ZNF100: variants seen among roughly 807,000 people sequenced by gnomAD.
ZNF100 encodes the protein zinc finger protein 100 (Y1).
ZNF100 carries 12 observed loss-of-function variants against 15.8 expected under a neutral mutation model. The observed-to-expected ratio is 0.76, with a 90% CI of 0.49 to 1.23. ZNF100 has a LOEUF of 1.23. Ranked by LOEUF, ZNF100 falls within the 50% of genes most tolerant of loss-of-function variation. The pLI, the probability that ZNF100 is intolerant of heterozygous loss-of-function variation, is 0.00. For missense variants in ZNF100, 670 were observed against 635.6 expected (o/e 1.05, Z -0.58); for synonymous variants, 226 against 214.8 (o/e 1.05, Z -0.45).
intron 2 of ZNF100, chr19:21,751,798 G>T (rs2036311160): frequency 1.7e-6 from 2 of 1,175,342 alleles, no homozygotes; most frequent in African/African-American, 3.1e-5. Flanking sequence ...AAAGAGCACA[G>T]AACCTAGAGG....
chr19:21,727,320 T>C lies in ZNF100; in HGVS notation c.992A>G (p.His331Arg), dbSNP rs771873478. ...ECGKAFNRSS[H>R]LTTHRIIHTG... ...ATGAATTATCCTGTGTGTAGTAAGG[T>C]GTGAGGACCGGTTAAAAGCTTTGCC... The change falls in exon 5 of 5, where the codon CAC becomes CGC. Residue 331 changes from histidine to arginine, a missense_variant. Transcript: ENST00000358296. 1.2e-6 allele frequency: 2 copies of C among 1,611,170 alleles called. No homozygotes were observed. The highest frequency in any genetic ancestry group is 2.7e-5 in the African/African-American group (2 of 74,492).
At position 21,726,975 on chromosome 19, in the gene ZNF100, G is replaced by A. The variant is rs756161010; in HGVS notation, c.1337C>T (p.Thr446Ile). 6.2e-6 allele frequency: 10 copies of A among 1,608,950 alleles called. No homozygotes were observed. The South Asian group carries it at 7.7e-5, about 12-fold the overall frequency. ...KAFNESSNLTTHKMIHTGEKP... is the reference protein window; with the variant it reads ...KAFNESSNLTIHKMIHTGEKP... ...CTCTCCAGTATGAATCATCTTATGGGTAGTAAGGTTTGAGGACTCATTAAA... is the reference window on the plus strand; with the variant it reads ...CTCTCCAGTATGAATCATCTTATGGATAGTAAGGTTTGAGGACTCATTAAA... Residue 446 changes from threonine (T) to isoleucine (I), a missense_variant, in exon 5 of 5, where the codon ACC becomes ATC. By Grantham distance (89) the Thr-to-Ile change is moderately conservative (BLOSUM62 -1). Transcript: ENST00000358296.
rs770566763 is a variant in ZNF100 at position 21,727,380 on chromosome 19, T to G, written c.932A>C (p.His311Pro). 1.2e-5 allele frequency: 19 copies of G among 1,612,972 alleles called. No individual in the cohort carries two copies. Among genetic ancestry groups the G allele is most frequent in the African/African-American group, 2.7e-5 (2 of 74,906 alleles). The change falls in exon 5 of 5, where the codon CAT (histidine) becomes CCT (proline). Residue 311 changes from histidine to proline, a missense_variant. Physicochemically the swap from His to Pro is moderately conservative, Grantham distance 77. Transcript: ENST00000358296. ...SSHLTTHKRI[H>P]TGVKPYKCTE... ...ACATTTGTAGGGTTTCACTCCAGTA[T>G]GAATTCTTTTATGTGTAGTAAGGTG...
chr19:21,746,344 T>C (rs1350066213), intron 2 of ZNF100, among the ~76,000 whole-genome samples: 1 of 152,212 alleles, frequency 6.6e-6, no homozygotes, highest in Non-Finnish European at 1.5e-5. Flanking sequence ...CAGCACCCTA[T>C]ATAGCAGGTA....
rs1291425204 is a variant in ZNF100, at chr19:21,757,691, CAA to C, written c.96+8001_96+8002del. On this transcript the variant is annotated intron_variant, in intron 2 of 4. Transcript: ENST00000358296. ...TTCATTTCAGCACTGTTTACAATAA[CAA>C]AGACATGGAATAAACCTAAATGCCT... 2.0e-5 allele frequency among the ~76,000 whole-genome samples: 3 copies of C among 152,096 alleles called. No homozygotes were observed. The East Asian group carries it at 5.8e-4, about 29-fold the overall frequency.
intron 4 of ZNF100, 117 bp from the exon 5 acceptor site, chr19:21,728,106 T>A: frequency 9.4e-6 from 9 of 953,948 alleles, no homozygotes; most frequent in South Asian, 3.5e-5. Flanking sequence ...CCAAAGGCCC[T>A]CATTCCTTTA....
At chr19:21,742,536 G>GTATT (rs2036135526) in intron 4 of ZNF100, among the ~76,000 whole-genome samples, 1 of 151,724 alleles carries the variant, frequency 6.6e-6, no homozygotes, top group Admixed American at 6.6e-5. Context: ...AGTTGAAGAG[G>GTATT]TATTTCCTCC....
intron 4 of ZNF100, among the ~76,000 whole-genome samples, chr19:21,730,445 A>AGAGTGAGT (rs71178761): frequency 1.4e-5 from 2 of 147,606 alleles, no homozygotes; most frequent in African/African-American, 5.0e-5. Context: ...TGATAACCTA[A>AGAGTGAGT]GTGTGTGTGT....
chr19:21,765,913 C>T, intron 1 of ZNF100, 127 bp from the exon 2 acceptor site: 1 of 852,248 alleles, frequency 1.2e-6, no homozygotes, highest in East Asian at 2.6e-5. Flanking sequence ...TAAAGGGTGG[C>T]TGAGGACACA....
rs1488860592 is a variant in ZNF100, at chr19:21,727,978, G to T, written c.334C>A (p.His112Asn). 1.3e-6 allele frequency: 2 copies of T among 1,522,636 alleles called. No individual in the cohort carries two copies. The highest frequency in any genetic ancestry group is 1.8e-6 in the Non-Finnish European group (2 of 1,141,604). 94.3% of individuals were successfully genotyped at this position (1,522,636 alleles called of 1,614,324 possible). The change falls in exon 5 of 5, where the codon CAT becomes AAT. Residue 112 changes from histidine (H) to asparagine (N), a missense_variant. Transcript: ENST00000358296. ...MVAKPPVICS[H>N]FPQDLWAEQD... ...TCTGCCCAAAGGTCTTGGGGAAAAT[G>T]AGAACATATAACTGAAAGAAATAAA...
rs1244248607 is a variant in ZNF100, at chr19:21,725,559, G to T, written c.*1124C>A. ...TAAATAATGCTCACCTAATAAAAAA[G>T]AATCTCTCATATCTGATGCAGCAAC... On this transcript the variant is annotated 3_prime_UTR_variant, in exon 5 of 5. Transcript: ENST00000358296. The T allele has an allele frequency of 6.6e-6, 1 of 151,926 alleles. No homozygotes were observed. Among genetic ancestry groups the T allele is most frequent in the Non-Finnish European group, 1.5e-5 (1 of 67,962 alleles). The allele number at this position is 151,926 out of a possible 1,614,324, so 9.4% of individuals were successfully genotyped here.
chr19:21,746,857 T>C (rs959064235), intron 2 of ZNF100: 1 of 152,182 alleles, frequency 6.6e-6, no homozygotes, highest in African/African-American at 2.4e-5. Context: ...TCTTTCTCCT[T>C]CTTCTCTTGG....
intron 4 of ZNF100, among the ~76,000 whole-genome samples, chr19:21,729,444 A>G (rs942236801): frequency 4.0e-5 from 6 of 151,792 alleles, no homozygotes; most frequent in East Asian, 1.9e-4. Flanking sequence ...GGGGAGGGAT[A>G]GCATTAGGAG....
intron 2 of ZNF100, among the ~76,000 whole-genome samples, chr19:21,761,567 A>G (rs1367025175): frequency 6.6e-6 from 1 of 152,204 alleles, no homozygotes; most frequent in Non-Finnish European, 1.5e-5. Context: ...GATTCCTTTT[A>G]TGAAACAAGG....
At chr19:21,755,394 TCACA>T (rs372095627) in intron 2 of ZNF100, among the ~76,000 whole-genome samples, 4 of 151,058 alleles carry the variant, frequency 2.6e-5, no homozygotes, top group African/African-American at 9.7e-5. Flanking sequence ...GAGATACATC[TCACA>T]CCAGTCAGAA....
intron 4 of ZNF100, among the ~76,000 whole-genome samples, chr19:21,738,632 T>C (rs1309203025): frequency 6.6e-6 from 1 of 152,026 alleles, no homozygotes; most frequent in African/African-American, 2.4e-5. Context: ...GGAAACTGGA[T>C]GTGGTAAGAA....
At chr19:21,761,563 T>A (rs1308647366) in intron 2 of ZNF100, among the ~76,000 whole-genome samples, 2 of 152,204 alleles carry the variant, frequency 1.3e-5, no homozygotes, top group African/African-American at 2.4e-5. Flanking sequence ...CTGAGATTCC[T>A]TTTATGAAAC....
rs769025706 is a variant in ZNF100 at position 21,726,984 on chromosome 19, T to C, written c.1328A>G (p.Asn443Ser). 3 of 1,611,136 alleles carry C rather than the reference T, an allele frequency of 1.9e-6. No homozygotes were observed. The highest frequency in any genetic ancestry group is 2.5e-6 in the Non-Finnish European group (3 of 1,179,020). The change falls in exon 5 of 5, where the codon AAC becomes AGC. Residue 443 changes from asparagine to serine, a missense_variant. Transcript: ENST00000358296. ...ECGKAFNESSNLTTHKMIHTG... is the reference protein window; with the variant it reads ...ECGKAFNESSSLTTHKMIHTG... ...ATGAATCATCTTATGGGTAGTAAGG[T>C]TTGAGGACTCATTAAAAGCTTTGCC... is the stretch of plus-strand genomic sequence containing the variant.
At chr19:21,738,151 T>C (rs1374473750) in intron 4 of ZNF100, among the ~76,000 whole-genome samples, 2 of 148,478 alleles carry the variant, frequency 1.3e-5, no homozygotes, top group African/African-American at 5.0e-5. Context: ...CTCAGGAAAC[T>C]GAGTCAGGGG....
Sources: allele counts gnomAD v4.1 joint callset (sites outside exome capture counted in the v4.1 genomes callset), GRCh38; gene constraint gnomAD v4.1.1; transcripts MANE v1.5; gene names NCBI Gene and HGNC (gene_info 2026-07-23, HGNC 2026-07-21).